The following GLIS1 variants were observed in gnomAD, a reference collection of about 807,000 sequenced individuals.
GLIS1 encodes GLIS family zinc finger 1, also known as zinc finger protein GLIS1.
Under a neutral mutation model 63.8 loss-of-function variants are expected in GLIS1, and 24 were observed. That is an observed-to-expected ratio of 0.38 (90% confidence interval 0.27 to 0.53). The LOEUF is 0.53. GLIS1 is among the 20% of genes least tolerant of loss of function. The pLI, the probability that GLIS1 is intolerant of heterozygous loss-of-function variation, is 0.85. For synonymous variants in GLIS1, 450 were observed against 482.5 expected, an observed-to-expected ratio of 0.93 and a Z score of 0.88; for missense variants, 1,036 against 1,074.1, an observed-to-expected ratio of 0.96 and a Z score of 0.50.
intron 2 of GLIS1, among the ~76,000 whole-genome samples, chr1:53,692,765 C>G (rs980587012): frequency 6.6e-6 from 1 of 152,212 alleles, no homozygotes; most frequent in Admixed American, 6.5e-5. Flanking sequence ...CCAGGCCATC[C>G]TAGCTCGGGC....
intron 7 of GLIS1, among the ~76,000 whole-genome samples, chr1:53,519,160 G>A (rs754696018): frequency 4.6e-5 from 7 of 152,150 alleles, no homozygotes; most frequent in Non-Finnish European, 5.9e-5. Flanking sequence ...TGAGCCCCCC[G>A]GTCCCTTCCA....
chr1:53,527,546 G>A (rs540569727), intron 5 of GLIS1, among the ~76,000 whole-genome samples: 36 of 152,314 alleles, frequency 2.4e-4, no homozygotes, highest in Non-Finnish European at 3.2e-4. Flanking sequence ...GCATGGCCAC[G>A]GTCAGAACCC....
chr1:53,619,905 A>T (rs1321644417), intron 2 of GLIS1, among the ~76,000 whole-genome samples: 1 of 152,250 alleles, frequency 6.6e-6, no homozygotes, highest in East Asian at 1.9e-4. Context: ...ACCAGAACCC[A>T]GTCCTCCAGA....
chr1:53,519,705 C>A (rs1469685164), intron 7 of GLIS1, among the ~76,000 whole-genome samples: 1 of 152,168 alleles, frequency 6.6e-6, no homozygotes, highest in Admixed American at 6.5e-5. Flanking sequence ...ACCAAAGGCC[C>A]TTAGCATCTG....
At chr1:53,703,005 G>A (rs547583602) in intron 2 of GLIS1, among the ~76,000 whole-genome samples, 25 of 152,276 alleles carry the variant, frequency 1.6e-4, no homozygotes, top group Non-Finnish European at 2.6e-4. Context: ...CTTCAAAGTC[G>A]GCCAGACCCA....
intron 2 of GLIS1, among the ~76,000 whole-genome samples, chr1:53,725,571 G>T (rs1646797518): frequency 6.6e-6 from 1 of 152,216 alleles, no homozygotes; most frequent in Admixed American, 6.5e-5. Context: ...CCAGCCTGAA[G>T]GGGGAACCTG....
chr1:53,557,823 T>C (rs1468041045), intron 4 of GLIS1, among the ~76,000 whole-genome samples: 2 of 152,238 alleles, frequency 1.3e-5, no homozygotes, highest in Non-Finnish European at 2.9e-5. Context: ...TTGTTTCCAG[T>C]CTCTTGAAAA....
rs544331825 is a variant in GLIS1 at position 53,571,055 on chromosome 1, T to C, written c.1320+23053A>G. Among the ~76,000 whole-genome samples, 31 of 152,158 alleles carry C rather than the reference T, an allele frequency of 2.0e-4. 1 individual carries two copies. In the South Asian group the frequency reaches 5.4e-3, roughly 26 times the overall value. On this transcript the variant is annotated intron_variant, in intron 4 of 10. Transcript: ENST00000628545. ...TGACAGAAAATATCAAGAATTCCTATAAATCAATAAGAAAAAGACAAACAA... is the reference window on the plus strand; with the variant it reads ...TGACAGAAAATATCAAGAATTCCTACAAATCAATAAGAAAAAGACAAACAA...
rs774990737 is a variant in GLIS1, at chr1:53,506,796, G to A, written c.2231-20C>T. The A allele has an allele frequency of 1.9e-6, 3 of 1,602,486 alleles. No individual in the cohort carries two copies. The highest frequency in any genetic ancestry group is 2.5e-6 in the Non-Finnish European group (3 of 1,178,790). On this transcript the variant is annotated intron_variant, in intron 10 of 10. Transcript: ENST00000628545. Reference sequence around the variant, plus strand: ...CATAGCCTGTGAGTGGTTGGGAAAGGGTCAGCGCTGGAGGCAGCAGGGGCT... The same window carrying A: ...CATAGCCTGTGAGTGGTTGGGAAAGAGTCAGCGCTGGAGGCAGCAGGGGCT...
chr1:53,701,221 C>T (rs1428388321), intron 2 of GLIS1, among the ~76,000 whole-genome samples: 1 of 152,192 alleles, frequency 6.6e-6, no homozygotes, highest in Non-Finnish European at 1.5e-5. Flanking sequence ...CCAGCAAAAG[C>T]ACTATTTACA....
At chr1:53,683,265 C>T (rs1027434801) in intron 2 of GLIS1, among the ~76,000 whole-genome samples, 4 of 152,200 alleles carry the variant, frequency 2.6e-5, no homozygotes, top group African/African-American at 9.7e-5. Flanking sequence ...TCCAAGCGCT[C>T]ACACTCAGTA....
intron 2 of GLIS1, among the ~76,000 whole-genome samples, chr1:53,653,067 A>G (rs1645925832): frequency 6.6e-6 from 1 of 152,184 alleles, no homozygotes. Context: ...CTGATGGTGC[A>G]TCTCCTGTGG....
At position 53,585,592 on chromosome 1, in the gene GLIS1, C is replaced by T. The variant is rs141996237; in HGVS notation, c.1320+8516G>A. 3.5e-4 allele frequency among the ~76,000 whole-genome samples: 53 copies of T among 150,664 alleles called. No homozygotes were observed. In the East Asian group the frequency reaches 4.9e-3, roughly 14 times the overall value. On this transcript the variant is annotated intron_variant, in intron 4 of 10. Coordinates refer to ENST00000628545, the MANE Select transcript of GLIS1 (RefSeq NM_001367484.1). ...GAGGTGGAAGTGAGGTGGGGGTGGG[C>T]TGTGGAGCAGGGAAGGAGGGCATCC...
intron 4 of GLIS1, among the ~76,000 whole-genome samples, chr1:53,567,958 G>A (rs1430720977): frequency 4.6e-5 from 7 of 152,254 alleles, no homozygotes; most frequent in Admixed American, 4.6e-4. Flanking sequence ...AAGGGGAAAT[G>A]TGGGGTTGGA....
At chr1:53,592,440 G>A (rs1468447401) in intron 4 of GLIS1, among the ~76,000 whole-genome samples, 1 of 152,128 alleles carries the variant, frequency 6.6e-6, no homozygotes, top group Non-Finnish European at 1.5e-5. Flanking sequence ...GGCACCCACA[G>A]ACTCACCCAT....
intron 2 of GLIS1, among the ~76,000 whole-genome samples, chr1:53,680,165 A>G (rs960334705): frequency 1.3e-5 from 2 of 152,008 alleles, no homozygotes; most frequent in African/African-American, 4.8e-5. Context: ...AAGGACCTAG[A>G]TTGTCTCAGC....
chr1:53,738,540 G>C (rs1302590371), intron 1 of GLIS1, among the ~76,000 whole-genome samples: 3 of 152,092 alleles, frequency 2.0e-5, no homozygotes, highest in African/African-American at 4.8e-5. Flanking sequence ...GGTAGGTCAC[G>C]GGCTGCGCGC....
chr1:53,512,651 G>A (rs1644308507), intron 8 of GLIS1, among the ~76,000 whole-genome samples: 1 of 152,160 alleles, frequency 6.6e-6, no homozygotes, highest in Non-Finnish European at 1.5e-5. Flanking sequence ...CTTCTCTCCT[G>A]CAGCTGGACC....
chr1:53,727,493 C>T (rs907894390), intron 2 of GLIS1, among the ~76,000 whole-genome samples: 1 of 152,252 alleles, frequency 6.6e-6, no homozygotes, highest in African/African-American at 2.4e-5. Context: ...CCACTCGTAG[C>T]TGCTCTTTAA....
Sources: allele counts gnomAD v4.1 joint callset (sites outside exome capture counted in the v4.1 genomes callset), GRCh38; gene constraint gnomAD v4.1.1; transcripts MANE v1.5; gene names NCBI Gene and HGNC (gene_info 2026-07-23, HGNC 2026-07-21).